Variants in JAKMIP2 observed in about 807,000 individuals in gnomAD.
JAKMIP2 encodes janus kinase and microtubule-interacting protein 2.
JAKMIP2 carries 25 observed loss-of-function variants against 115.0 expected under a neutral mutation model. The ratio of observed to expected loss-of-function variants is 0.22; its 90% CI spans 0.16 to 0.30. The LOEUF (loss-of-function observed/expected upper bound fraction) is 0.30. Ranked by LOEUF, JAKMIP2 falls within the 10% of genes least tolerant of loss-of-function variation. JAKMIP2 has a pLI of 1.00. For missense variants in JAKMIP2, 642 were observed against 957.6 expected (o/e 0.67, Z 4.35); for synonymous variants, 334 against 343.6 (o/e 0.97, Z 0.31).
At chr5:147,699,602 G>C (rs1347945787) in intron 1 of JAKMIP2, among the ~76,000 whole-genome samples, 1 of 151,722 alleles carries the variant, frequency 6.6e-6, no homozygotes, top group Non-Finnish European at 1.5e-5. Context: ...TAGTTTTCTT[G>C]AACATCTTAC....
chr5:147,769,426 C>T (rs1387209120), intron 1 of JAKMIP2, among the ~76,000 whole-genome samples: 1 of 152,030 alleles, frequency 6.6e-6, no homozygotes, highest in Non-Finnish European at 1.5e-5. Flanking sequence ...GATTTTTGTC[C>T]TGTCATGTAA....
At chr5:147,695,307 G>A (rs1044483046) in intron 1 of JAKMIP2, among the ~76,000 whole-genome samples, 12 of 152,114 alleles carry the variant, frequency 7.9e-5, no homozygotes, top group South Asian at 2.1e-4. Flanking sequence ...CCAATTGCCC[G>A]GCTTCCTTCC....
intron 3 of JAKMIP2, among the ~76,000 whole-genome samples, chr5:147,657,639 C>G (rs1250244172): frequency 6.6e-6 from 1 of 152,076 alleles, no homozygotes; most frequent in South Asian, 2.1e-4. Flanking sequence ...TCAGGTATTC[C>G]AGTCAATTGT....
intron 1 of JAKMIP2, among the ~76,000 whole-genome samples, chr5:147,765,376 G>A (rs778840199): frequency 1.3e-5 from 2 of 152,034 alleles, no homozygotes; most frequent in Non-Finnish European, 2.9e-5. Context: ...TCCACTTGAC[G>A]TGACACCATG....
intron 1 of JAKMIP2, among the ~76,000 whole-genome samples, chr5:147,720,793 A>T (rs1193226049): frequency 2.0e-5 from 3 of 151,420 alleles, no homozygotes; most frequent in Non-Finnish European, 4.4e-5. Context: ...CTTTGGTTTG[A>T]ATGTCCTCCC....
rs922542072 is a variant in JAKMIP2 at position 147,748,790 on chromosome 5, A to G, written c.-149+33666T>C. 7.2e-5 allele frequency among the ~76,000 whole-genome samples: 11 copies of G among 152,200 alleles called. 1 individual carries two copies. The East Asian group carries it at 1.2e-3, about 16-fold the overall frequency. On this transcript the variant is annotated intron_variant, in intron 1 of 21. Coordinates refer to ENST00000616793, the MANE Select transcript of JAKMIP2 (RefSeq NM_001270941.2). Reference sequence around the variant, plus strand: ...TTTTCATACCTTATGCAAATAGCACACTTGGTCTGACCAATCTTTTGTGCC... The same window carrying G: ...TTTTCATACCTTATGCAAATAGCACGCTTGGTCTGACCAATCTTTTGTGCC...
intron 1 of JAKMIP2, among the ~76,000 whole-genome samples, chr5:147,703,721 G>A (rs1482953916): frequency 6.6e-6 from 1 of 150,814 alleles, no homozygotes; most frequent in East Asian, 1.9e-4. Context: ...CACTGTGCTT[G>A]GCCTTTACTT....
intron 19 of JAKMIP2, among the ~76,000 whole-genome samples, chr5:147,616,382 G>A (rs1384139530): frequency 6.6e-6 from 1 of 152,194 alleles, no homozygotes; most frequent in Non-Finnish European, 1.5e-5. Context: ...GTTCAGAAAT[G>A]TACTATCAGC....
At chr5:147,601,186 C>T (rs965142653) in intron 21 of JAKMIP2, among the ~76,000 whole-genome samples, 28 of 152,128 alleles carry the variant, frequency 1.8e-4, no homozygotes, top group African/African-American at 6.3e-4. Context: ...TTCTTGATTC[C>T]CAGAATATTT....
chr5:147,607,393 A>G (rs1756080400), intron 20 of JAKMIP2, among the ~76,000 whole-genome samples: 1 of 152,190 alleles, frequency 6.6e-6, no homozygotes. Context: ...ATGGGTGTTG[A>G]ATTTTATCAA....
intron 1 of JAKMIP2, among the ~76,000 whole-genome samples, chr5:147,690,184 CACAA>C (rs983645269): frequency 4.0e-5 from 6 of 151,726 alleles, no homozygotes; most frequent in Non-Finnish European, 7.4e-5. Flanking sequence ...ACCCTGTTTC[CACAA>C]ACAAACAAAC....
At chr5:147,645,044 G>C in intron 5 of JAKMIP2, 48 bp from the exon 6 acceptor site, 2 of 1,594,874 alleles carry the variant, frequency 1.3e-6, no homozygotes, top group Non-Finnish European at 1.7e-6. Flanking sequence ...GGGGGACGTG[G>C]GGGCAGGGGA....
intron 21 of JAKMIP2, among the ~76,000 whole-genome samples, chr5:147,596,064 T>G (rs1230586404): frequency 6.6e-6 from 1 of 152,214 alleles, no homozygotes; most frequent in Non-Finnish European, 1.5e-5. Context: ...CCAAGTCAGC[T>G]TGGGCAAACC....
In JAKMIP2 at chr5:147,589,668, C is replaced by T. The variant is rs1288569307; in HGVS notation, c.*2039G>A. On this transcript the variant is annotated 3_prime_UTR_variant, in exon 22 of 22. Transcript: ENST00000616793. ...ATCAAGAGAGCTGGGAGATGCTTAT[C>T]ATAGAAATGACACACTCTTCTATCT... The T allele has an allele frequency of 6.6e-6, 1 of 152,104 alleles. No homozygotes were observed. Among genetic ancestry groups the T allele is most frequent in the African/African-American group, 2.4e-5 (1 of 41,400 alleles). The allele number at this position is 152,104 out of a possible 1,614,324, so 9.4% of individuals were successfully genotyped here. A position where few individuals can be genotyped will look rare whatever the true frequency, so the allele number is the denominator to read the frequency against.
chr5:147,761,141 G>C (rs1424307156), intron 1 of JAKMIP2, among the ~76,000 whole-genome samples: 1 of 152,042 alleles, frequency 6.6e-6, no homozygotes, highest in Non-Finnish European at 1.5e-5. Context: ...TCTCAAAAAT[G>C]CTTCTAAATC....
chr5:147,781,054 TAAAAGGTC>T (rs1369033640), intron 1 of JAKMIP2, among the ~76,000 whole-genome samples: 1 of 152,106 alleles, frequency 6.6e-6, no homozygotes, highest in African/African-American at 2.4e-5. Context: ...CTTGACATAA[TAAAAGGTC>T]AAGCAGATCC....
chr5:147,765,285 A>G (rs1424104620), intron 1 of JAKMIP2, among the ~76,000 whole-genome samples: 1 of 152,120 alleles, frequency 6.6e-6, no homozygotes, highest in Non-Finnish European at 1.5e-5. Context: ...TGACCCCAGT[A>G]TTAATTTGTA....
At chr5:147,753,847 A>G (rs1754649554) in intron 1 of JAKMIP2, among the ~76,000 whole-genome samples, 1 of 148,420 alleles carries the variant, frequency 6.7e-6, no homozygotes, top group Non-Finnish European at 1.5e-5. Context: ...TGTTTCTTAT[A>G]ATAGCTAAAG....
intron 1 of JAKMIP2, among the ~76,000 whole-genome samples, chr5:147,716,842 T>G (rs1193242300): frequency 1.4e-5 from 2 of 145,604 alleles, no homozygotes; most frequent in Admixed American, 6.9e-5. Flanking sequence ...AGAAGCTCTT[T>G]AGTTTAATTA....
Sources: allele counts gnomAD v4.1 joint callset (sites outside exome capture counted in the v4.1 genomes callset), GRCh38; gene constraint gnomAD v4.1.1; transcripts MANE v1.5; gene names NCBI Gene and HGNC (gene_info 2026-07-23, HGNC 2026-07-21).